PSD3: variants seen among roughly 807,000 people sequenced by gnomAD.
PSD3 encodes the protein pleckstrin and Sec7 domain containing 3.
PSD3 carries 49 observed loss-of-function variants against 105.5 expected under a neutral mutation model. The ratio of observed to expected loss-of-function variants is 0.46; its 90% CI spans 0.37 to 0.59. The LOEUF (loss-of-function observed/expected upper bound fraction) is 0.59. Among genes scored for constraint, PSD3 ranks in the 20% least tolerant of loss-of-function variants. The pLI is 0.00. For missense variants in PSD3, 1,561 were observed against 1,263.8 expected, an observed-to-expected ratio of 1.24 and a Z score of -3.57; for synonymous variants, 557 against 457.8, an observed-to-expected ratio of 1.22 and a Z score of -2.77.
At chr8:19,037,843 C>G (rs559370358) in intron 1 of PSD3, among the ~76,000 whole-genome samples, 2 of 151,768 alleles carry the variant, frequency 1.3e-5, no homozygotes, top group African/African-American at 2.4e-5. Flanking sequence ...GATCATGAGA[C>G]TTTTTGGCCT....
chr8:18,662,380 G>C (rs1041549375), intron 9 of PSD3, among the ~76,000 whole-genome samples: 2 of 152,198 alleles, frequency 1.3e-5, no homozygotes, highest in African/African-American at 4.8e-5. Context: ...ACTTTACCTA[G>C]TGAAGAATTA....
chr8:18,559,755 A>G (rs1233638132), intron 14 of PSD3, among the ~76,000 whole-genome samples: 1 of 152,062 alleles, frequency 6.6e-6, no homozygotes, highest in Non-Finnish European at 1.5e-5. Context: ...AACAAATCCC[A>G]ATTTCTACTT....
chr8:18,875,646 C>A (rs776899042), intron 2 of PSD3, among the ~76,000 whole-genome samples: 9 of 152,064 alleles, frequency 5.9e-5, no homozygotes, highest in Non-Finnish European at 8.8e-5. Context: ...ACGCCATTCT[C>A]CTGCCTCAGC....
At chr8:18,683,379 T>G (rs1800489394) in intron 9 of PSD3, among the ~76,000 whole-genome samples, 1 of 152,198 alleles carries the variant, frequency 6.6e-6, no homozygotes. Flanking sequence ...AGGAACTAAC[T>G]GAAAGATAAA....
At chr8:18,625,241 G>C (rs1045907648) in intron 11 of PSD3, among the ~76,000 whole-genome samples, 3 of 151,178 alleles carry the variant, frequency 2.0e-5, no homozygotes, top group African/African-American at 7.4e-5. Flanking sequence ...AATTACGGAA[G>C]AATTTTTGCT....
At chr8:18,893,673 C>G (rs6997934) in intron 2 of PSD3, among the ~76,000 whole-genome samples, 3 of 138,678 alleles carry the variant, frequency 2.2e-5, no homozygotes, top group South Asian at 2.5e-4. Context: ...AGAGCACATC[C>G]ATGTGCTAGA....
chr8:18,769,520 C>A (rs1475906864), intron 8 of PSD3, among the ~76,000 whole-genome samples: 1 of 152,088 alleles, frequency 6.6e-6, no homozygotes, highest in Admixed American at 6.5e-5. Context: ...TTCTTTCGAA[C>A]CATATAATTC....
At chr8:18,853,472 C>T (rs921643238) in intron 4 of PSD3, among the ~76,000 whole-genome samples, 1 of 152,138 alleles carries the variant, frequency 6.6e-6, no homozygotes, top group African/African-American at 2.4e-5. Context: ...TATCCCCTGC[C>T]TGTTGAACAT....
intron 12 of PSD3, among the ~76,000 whole-genome samples, chr8:18,589,019 G>A (rs1205102864): frequency 6.6e-6 from 1 of 152,166 alleles, no homozygotes; most frequent in East Asian, 1.9e-4. Context: ...AAATAAAGAA[G>A]TGACCCAAGA....
At chr8:18,817,772 T>G (rs544658996) in intron 4 of PSD3, among the ~76,000 whole-genome samples, 11 of 152,338 alleles carry the variant, frequency 7.2e-5, no homozygotes, top group African/African-American at 2.6e-4. Context: ...TCTCTCTATG[T>G]TGCAGATCTT....
At position 18,932,722 on chromosome 8, in the gene PSD3, C is replaced by G. The variant is rs558536776; in HGVS notation, c.130+3312G>C. Among the ~76,000 whole-genome samples the G allele has an allele frequency of 1.4e-4, 22 of 152,288 alleles. No homozygotes were observed. In the East Asian group the frequency reaches 4.1e-3, roughly 28 times the overall value. On this transcript the variant is annotated intron_variant, in intron 2 of 15. Coordinates refer to ENST00000327040, the MANE Select transcript of PSD3 (RefSeq NM_015310.4). ...CCTTAGGAGGCCCTACATGATATGG[C>G]CCTTTTCTAAATGGTAATCTTTCTG... is the stretch of plus-strand genomic sequence containing the variant.
chr8:18,721,410 C>A (rs1802964197), intron 9 of PSD3, among the ~76,000 whole-genome samples: 1 of 152,144 alleles, frequency 6.6e-6, no homozygotes, highest in Non-Finnish European at 1.5e-5. Flanking sequence ...AGTGCTTGAG[C>A]CACCCAAGAC....
chr8:18,866,589 C>T (rs528649920), intron 4 of PSD3, among the ~76,000 whole-genome samples: 1 of 152,152 alleles, frequency 6.6e-6, no homozygotes, highest in African/African-American at 2.4e-5. Flanking sequence ...TCACTGTGAC[C>T]CAGTAAGACA....
intron 1 of PSD3, among the ~76,000 whole-genome samples, chr8:19,046,703 C>T (rs1828331751): frequency 1.3e-5 from 2 of 152,188 alleles, no homozygotes; most frequent in Non-Finnish European, 2.9e-5. Flanking sequence ...CCAAATAAAG[C>T]TCCAGATGCC....
At chr8:18,536,055 G>C in intron 15 of PSD3, 97 bp from the exon 16 acceptor site, 1 of 1,196,172 alleles carries the variant, frequency 8.4e-7, no homozygotes, top group South Asian at 1.4e-5. Context: ...AGTGTGAATG[G>C]CTGTTGAAGA....
At chr8:18,605,596 G>C (rs1386618189) in intron 11 of PSD3, among the ~76,000 whole-genome samples, 1 of 152,104 alleles carries the variant, frequency 6.6e-6, no homozygotes, top group African/African-American at 2.4e-5. Context: ...ATTGTATTTT[G>C]CCATGTGAGA....
intron 9 of PSD3, among the ~76,000 whole-genome samples, chr8:18,705,159 T>C (rs1021037226): frequency 1.3e-5 from 2 of 152,080 alleles, no homozygotes; most frequent in African/African-American, 4.8e-5. Context: ...CAGTAATTCT[T>C]AAGGAAATGA....
chr8:18,697,700 C>T (rs1479723381), intron 9 of PSD3, among the ~76,000 whole-genome samples: 1 of 152,310 alleles, frequency 6.6e-6, no homozygotes, highest in East Asian at 1.9e-4. Flanking sequence ...CGTGAATTAC[C>T]TCTGGGCAAG....
At chr8:18,701,772 T>A (rs748201746) in intron 9 of PSD3, among the ~76,000 whole-genome samples, 2 of 152,212 alleles carry the variant, frequency 1.3e-5, no homozygotes, top group Admixed American at 6.5e-5. Context: ...ATTTACCAAA[T>A]ATAAGAGCTT....
Sources: gnomAD v4.1 joint callset for allele counts (sites outside exome capture counted in the v4.1 genomes callset) on GRCh38, gnomAD v4.1.1 for gene constraint, MANE v1.5 for transcripts, NCBI Gene and HGNC (gene_info 2026-07-23, HGNC 2026-07-21) for gene names.